The following HLCS variants were observed in gnomAD, a reference collection of about 807,000 sequenced individuals.
The protein encoded by HLCS is holocarboxylase synthetase.
In HLCS, 53 loss-of-function variants were observed where a neutral mutation model predicts 75.0. The observed-to-expected ratio is 0.71, with a 90% CI of 0.57 to 0.89. The LOEUF (loss-of-function observed/expected upper bound fraction) is 0.89. HLCS is among the 40% of genes least tolerant of loss of function. The pLI, the probability that HLCS is intolerant of heterozygous loss-of-function variation, is 0.00. For missense variants in HLCS, 966 were observed against 1,074.0 expected (o/e 0.90, Z 1.41); for synonymous variants, 431 against 428.6 (o/e 1.01, Z -0.07).
intron 6 of HLCS, among the ~76,000 whole-genome samples, chr21:36,810,917 T>C (rs2061492245): frequency 6.6e-6 from 1 of 152,106 alleles, no homozygotes; most frequent in South Asian, 2.1e-4. Context: ...AAACCAAATC[T>C]GGGATAATTT....
Position 36,809,510 on chromosome 21 carries a change from T to C in HLCS, c.1893-42225A>G, listed in dbSNP as rs533725280. ...ACTGAATTCTGAAATTTTTTAGCTA[T>C]TATTTCTTCTACTATTTTTTTCTGC... On this transcript the variant is annotated intron_variant, in intron 6 of 10. Transcript: ENST00000674895. Among the ~76,000 whole-genome samples, 12 of 152,316 alleles carry C rather than the reference T, an allele frequency of 7.9e-5. No individual in the cohort carries two copies. In the East Asian group the frequency reaches 2.3e-3, roughly 29 times the overall value.
At chr21:36,871,199 T>C (rs1187665791) in intron 6 of HLCS, among the ~76,000 whole-genome samples, 1 of 152,112 alleles carries the variant, frequency 6.6e-6, no homozygotes, top group Non-Finnish European at 1.5e-5. Context: ...ATTTTTAAAA[T>C]ATTTTCACTA....
chr21:36,773,773 T>TA (rs1210467852), intron 6 of HLCS, among the ~76,000 whole-genome samples: 1 of 152,170 alleles, frequency 6.6e-6, no homozygotes, highest in Non-Finnish European at 1.5e-5. Context: ...TTTTTCATTT[T>TA]AAAAAAGCTG....
chr21:36,915,505 G>C (rs1321395721), intron 5 of HLCS, among the ~76,000 whole-genome samples: 2 of 152,152 alleles, frequency 1.3e-5, no homozygotes, highest in African/African-American at 4.8e-5. Flanking sequence ...CACCTGGCCA[G>C]GCCTGGCAGG....
rs1278545294 is a variant in HLCS at position 36,896,866 on chromosome 21, A to G, written c.1886T>C (p.Leu629Pro). ...AGACCTGCTCACACCTTACCCATCC[A>G]GGAGACGCATCGTTGTGGGGGTCAC... ...AEVTPTTMRL[L>P]DGLMFQTPQE... is the part of the protein sequence containing the mutation. Residue 629 changes from leucine to proline, a missense_variant, in exon 6 of 11, where the codon CTG becomes CCG. Coordinates refer to ENST00000674895, the MANE Select transcript of HLCS (RefSeq NM_001352514.2). 1 of 1,614,078 alleles carries G rather than the reference A, an allele frequency of 6.2e-7. No individual in the cohort carries two copies. Among genetic ancestry groups the G allele is most frequent in the Admixed American group, 1.7e-5 (1 of 60,018 alleles).
intron 5 of HLCS, among the ~76,000 whole-genome samples, chr21:36,918,407 G>A (rs922235662): frequency 6.6e-6 from 1 of 152,206 alleles, no homozygotes; most frequent in African/African-American, 2.4e-5. Flanking sequence ...GGGTAAGAAG[G>A]AGACGCCATC....
intron 2 of HLCS, among the ~76,000 whole-genome samples, chr21:36,956,588 G>A (rs1234711280): frequency 6.6e-6 from 1 of 152,038 alleles, no homozygotes; most frequent in East Asian, 1.9e-4. Context: ...AAATTAGCCG[G>A]GTGTGGTGGT....
In HLCS at chr21:36,854,909, G is replaced by A. The variant is rs77680437; in HGVS notation, c.1892+41951C>T. The stretch of plus-strand genomic sequence containing the variant: ...ACACAGCAAGTACTTTCTGTACAGC[G>A]GTATTAAACTCTAAATATTCCAAAG... On this transcript the variant is annotated intron_variant, in intron 6 of 10. Transcript: ENST00000674895. Among the ~76,000 whole-genome samples, 263 of 152,216 alleles carry A rather than the reference G, an allele frequency of 1.7e-3. 1 individual carries two copies. The East Asian group carries it at 0.041, about 24-fold the overall frequency.
intron 6 of HLCS, among the ~76,000 whole-genome samples, chr21:36,894,672 C>A (rs2093332559): frequency 1.3e-5 from 2 of 152,134 alleles, no homozygotes; most frequent in South Asian, 4.1e-4. Context: ...AATAATCAAA[C>A]CAAACAAGAA....
chr21:36,893,821 C>A (rs779973668), intron 6 of HLCS, among the ~76,000 whole-genome samples: 1 of 152,116 alleles, frequency 6.6e-6, no homozygotes, highest in Non-Finnish European at 1.5e-5. Flanking sequence ...GTCGGGGATC[C>A]CTGCACTAAA....
intron 5 of HLCS, among the ~76,000 whole-genome samples, chr21:36,897,786 A>G (rs181962982): frequency 2.0e-5 from 3 of 152,334 alleles, no homozygotes. Flanking sequence ...TGTCCAATCC[A>G]GGCACAGAGC....
intron 6 of HLCS, among the ~76,000 whole-genome samples, chr21:36,873,376 A>G (rs1207087148): frequency 2.0e-5 from 3 of 152,114 alleles, no homozygotes; most frequent in Admixed American, 2.0e-4. Flanking sequence ...TCAGCCTCCC[A>G]AAGTGCTGGG....
intron 6 of HLCS, among the ~76,000 whole-genome samples, chr21:36,789,123 T>C (rs2060784456): frequency 1.3e-5 from 2 of 152,172 alleles, no homozygotes; most frequent in Admixed American, 1.3e-4. Flanking sequence ...GGTGCAATCA[T>C]AGCTCACTGC....
At chr21:36,933,753 T>C (rs1030613606) in intron 4 of HLCS, among the ~76,000 whole-genome samples, 1 of 152,136 alleles carries the variant, frequency 6.6e-6, no homozygotes, top group Non-Finnish European at 1.5e-5. Context: ...TCAAGTTCTG[T>C]TCCCACTAGA....
rs570074098 is a variant in HLCS, at chr21:36,838,531, C to CT, written c.1892+58328dup. On this transcript the variant is annotated intron_variant, in intron 6 of 10. Coordinates refer to ENST00000674895, the MANE Select transcript of HLCS (RefSeq NM_001352514.2). ...CCATCCTGGCCAACACGGTGAAACTCTGTCTCTACTAAAAATACAAAAATT... is the reference window on the plus strand; with the variant it reads ...CCATCCTGGCCAACACGGTGAAACTCTTGTCTCTACTAAAAATACAAAAATT... Among the ~76,000 whole-genome samples the CT allele has an allele frequency of 6.0e-3, 907 of 152,162 alleles. 4 individuals are homozygous for CT. Among genetic ancestry groups the CT allele is most frequent in the South Asian group, 0.031 (150 of 4,820 alleles).
chr21:36,881,835 C>T (rs2064231607), intron 6 of HLCS, among the ~76,000 whole-genome samples: 1 of 152,102 alleles, frequency 6.6e-6, no homozygotes, highest in Non-Finnish European at 1.5e-5. Context: ...GGGCTCTGCA[C>T]CATTTTACTT....
intron 6 of HLCS, among the ~76,000 whole-genome samples, chr21:36,785,804 A>G (rs2060669668): frequency 6.6e-6 from 1 of 152,150 alleles, no homozygotes; most frequent in African/African-American, 2.4e-5. Context: ...AAGAAGCAGG[A>G]TGCTAGCTTT....
intron 9 of HLCS, among the ~76,000 whole-genome samples, chr21:36,758,203 C>T (rs2089680340): frequency 6.6e-6 from 1 of 152,078 alleles, no homozygotes. Flanking sequence ...ACCTCCTGAG[C>T]TCAGGTGATT....
At chr21:36,908,689 C>T (rs1395620830) in intron 5 of HLCS, among the ~76,000 whole-genome samples, 2 of 152,152 alleles carry the variant, frequency 1.3e-5, no homozygotes, top group Non-Finnish European at 2.9e-5. Context: ...GAATACTACT[C>T]AGGAATAAAA....
Sources: gnomAD v4.1 joint callset for allele counts (sites outside exome capture counted in the v4.1 genomes callset) on GRCh38, gnomAD v4.1.1 for gene constraint, MANE v1.5 for transcripts, NCBI Gene and HGNC (gene_info 2026-07-23, HGNC 2026-07-21) for gene names.